CPZ: variants seen among roughly 807,000 people sequenced by gnomAD.
CPZ encodes carboxypeptidase Z, also known as VEZT/CPZ fusion.
In CPZ, 103 loss-of-function variants were observed where a neutral mutation model predicts 61.8. That is an observed-to-expected ratio of 1.67 (90% CI 1.42 to 1.96). The LOEUF is 1.96. CPZ is among the 30% of genes most tolerant of loss of function. CPZ has a pLI of 0.00. For missense variants in CPZ, 1,461 were observed against 914.9 expected (o/e 1.60, Z -7.70); for synonymous variants, 551 against 373.7 (o/e 1.47, Z -5.47).
At chr4:8,604,751 CAG>C (rs1410472609) in intron 4 of CPZ, among the ~76,000 whole-genome samples, 1 of 152,210 alleles carries the variant, frequency 6.6e-6, no homozygotes, top group Non-Finnish European at 1.5e-5. Context: ...CCCACTCAAA[CAG>C]AATCGGTTAT....
chr4:8,611,979 C>T (rs370053538), intron 7 of CPZ, 48 bp from the exon 8 acceptor site: 53 of 1,612,374 alleles, frequency 3.3e-5, no homozygotes, highest in South Asian at 4.4e-5. Context: ...GCTCACAGGA[C>T]GTCCTGCAGG....
At chr4:8,610,011 C>T (rs186352372) in intron 7 of CPZ, among the ~76,000 whole-genome samples, 4 of 152,340 alleles carry the variant, frequency 2.6e-5, no homozygotes, top group Admixed American at 6.5e-5. Context: ...CTGCTCCACA[C>T]GTGCCCCTTT....
intron 1 of CPZ, chr4:8,597,705 C>T (rs3796735): frequency 0.63 from 96,397 of 152,134 alleles, 31,423 homozygotes; most frequent in Admixed American, 0.77. Context: ...CAGCAGGGCT[C>T]CTGCAGCTTG....
At chr4:8,615,548 G>A (rs539274439) in intron 9 of CPZ, among the ~76,000 whole-genome samples, 10 of 152,228 alleles carry the variant, frequency 6.6e-5, no homozygotes, top group East Asian at 1.9e-4. Flanking sequence ...TACAGTTGGC[G>A]CCCACCCACA....
intron 7 of CPZ, 100 bp from the exon 8 acceptor site, chr4:8,611,927 T>G: frequency 1.3e-6 from 2 of 1,527,514 alleles, no homozygotes; most frequent in Non-Finnish European, 1.8e-6. Context: ...CTATCTGCAA[T>G]GCAGGTGTTT....
At chr4:8,601,039 C>G in intron 2 of CPZ, 84 bp from the exon 3 acceptor site, 1 of 1,474,134 alleles carries the variant, frequency 6.8e-7, no homozygotes, top group Non-Finnish European at 9.0e-7. Flanking sequence ...CCTGGCCCTG[C>G]GTGGGGTCCC....
chr4:8,617,939 G>A (rs897218641), intron 9 of CPZ, among the ~76,000 whole-genome samples: 1 of 152,116 alleles, frequency 6.6e-6, no homozygotes, highest in Non-Finnish European at 1.5e-5. Context: ...CAGGCAAGCA[G>A]TAAGAAGGCA....
chr4:8,594,826 G>A lies in CPZ; in HGVS notation c.88+1905G>A, dbSNP rs945097525. ...CTCACTCTGTCGCCCAGGCTGGAGT[G>A]CAGTTGCGCAATCTCAGCTCACTGC... On this transcript the variant is annotated intron_variant, in intron 1 of 10. Coordinates refer to ENST00000360986, the MANE Select transcript of CPZ (RefSeq NM_001014447.3). Among the ~76,000 whole-genome samples the A allele has an allele frequency of 7.3e-5, 11 of 150,510 alleles. 1 individual carries two copies. Among genetic ancestry groups the A allele is most frequent in the African/African-American group, 2.7e-4 (11 of 40,934 alleles).
At chr4:8,610,055 C>A (rs1200459127) in intron 7 of CPZ, among the ~76,000 whole-genome samples, 1 of 152,216 alleles carries the variant, frequency 6.6e-6, no homozygotes, top group Non-Finnish European at 1.5e-5. Flanking sequence ...TCCTGCCTGC[C>A]AACCCCTTTC....
At chr4:8,604,335 C>T (rs1440437871) in intron 4 of CPZ, 147 bp downstream of exon 4, 29 of 679,656 alleles carry the variant, frequency 4.3e-5, no homozygotes, top group East Asian at 3.1e-4. Context: ...GGCCACGTCC[C>T]GCTGGGCATG....
chr4:8,611,790 C>A (rs1404380571), intron 7 of CPZ, among the ~76,000 whole-genome samples: 1 of 151,716 alleles, frequency 6.6e-6, no homozygotes, highest in African/African-American at 2.4e-5. Flanking sequence ...CCCAGTTACC[C>A]ATGGGACCTG....
At chr4:8,617,051 C>G (rs555905894) in intron 9 of CPZ, among the ~76,000 whole-genome samples, 1 of 152,366 alleles carries the variant, frequency 6.6e-6, no homozygotes, top group South Asian at 2.1e-4. Context: ...GCCCACTCCC[C>G]TCTTTCAGCC....
At chr4:8,609,473 G>A (rs1035973456) in intron 7 of CPZ, among the ~76,000 whole-genome samples, 4 of 136,646 alleles carry the variant, frequency 2.9e-5, no homozygotes, top group Admixed American at 2.7e-4. Context: ...AAGGGTGCGA[G>A]GGGTGAGGTG....
Position 8,592,765 on chromosome 4 carries a change from A to G in CPZ, c.-69A>G. ...CCGGGGGCGGGAGCCCAGCGAGCGC[A>G]GAGCCCCGGCCCCGCGCGGCCCGAG... On this transcript the variant is annotated 5_prime_UTR_variant, in exon 1 of 11. Coordinates refer to ENST00000360986, the MANE Select transcript of CPZ (RefSeq NM_001014447.3). The G allele has an allele frequency of 4.3e-6, 5 of 1,153,916 alleles. No individual in the cohort carries two copies. In the South Asian group the frequency reaches 6.4e-5, roughly 15 times the overall value. 71.5% of individuals were successfully genotyped at this position (1,153,916 alleles called of 1,614,324 possible).
chr4:8,612,071 G>C lies in CPZ; in HGVS notation c.1272G>C (p.Met424Ile), dbSNP rs1290089769. 6 of 1,613,504 alleles carry C rather than the reference G, an allele frequency of 3.7e-6. No homozygotes were observed. The highest frequency in any genetic ancestry group is 5.1e-6 in the Non-Finnish European group (6 of 1,179,796). ...LSRAYADVHPMMMDRSENRCG... is the reference protein window; with the variant it reads ...LSRAYADVHPIMMDRSENRCG... ...GAGCCTACGCTGACGTCCACCCCAT[G>C]ATGATGGACAGGTCGGAGAATAGGT... is the stretch of plus-strand genomic sequence containing the variant. The change falls in exon 8 of 11, where the codon ATG becomes ATC. Residue 424 changes from methionine to isoleucine, a missense_variant. Met to Ile is a conservative substitution (Grantham distance 10). Transcript: ENST00000360986.
intron 4 of CPZ, among the ~76,000 whole-genome samples, chr4:8,604,499 G>T (rs1037218768): frequency 2.6e-5 from 4 of 152,070 alleles, no homozygotes; most frequent in African/African-American, 9.7e-5. Flanking sequence ...TTATTTTTTT[G>T]AGACAGAGTT....
intron 10 of CPZ, among the ~76,000 whole-genome samples, 185 bp from the exon 11 acceptor site, chr4:8,619,077 G>A (rs1192351812): frequency 2.0e-5 from 3 of 152,112 alleles, no homozygotes; most frequent in Admixed American, 2.0e-4. Flanking sequence ...GCAGGGTTTT[G>A]AGGTATAAAT....
At chr4:8,600,310 A>T (rs7677259) in intron 2 of CPZ, among the ~76,000 whole-genome samples, 41,960 of 151,978 alleles carry the variant, frequency 0.28, 6,060 homozygotes, top group Admixed American at 0.36. Flanking sequence ...TGTGAGGCAG[A>T]AAGAATCCTG....
chr4:8,611,078 ATTCG>A (rs1560299874), intron 7 of CPZ: 4 of 362,768 alleles, frequency 1.1e-5, no homozygotes, highest in East Asian at 7.5e-5. Context: ...TCACTCATTC[ATTCG>A]CTCATTCACT....
Sources: gnomAD v4.1 joint callset for allele counts (sites outside exome capture counted in the v4.1 genomes callset) on GRCh38, gnomAD v4.1.1 for gene constraint, MANE v1.5 for transcripts, NCBI Gene and HGNC (gene_info 2026-07-23, HGNC 2026-07-21) for gene names.